Variants in SLC4A8 observed in about 807,000 individuals in gnomAD.
SLC4A8 encodes the protein electroneutral sodium bicarbonate exchanger 1.
In SLC4A8, 40 loss-of-function variants were observed where a neutral mutation model predicts 125.0. That is an observed-to-expected ratio of 0.32 (90% CI 0.25 to 0.42). The LOEUF (loss-of-function observed/expected upper bound fraction) is 0.42. SLC4A8 is among the 10% of genes least tolerant of loss of function. The pLI is 1.00. For missense variants in SLC4A8, 863 were observed against 1,355.1 expected (o/e 0.64, Z 5.70); for synonymous variants, 456 against 476.0 (o/e 0.96, Z 0.55).
chr12:51,472,363 C>T (rs1013128365), intron 14 of SLC4A8, among the ~76,000 whole-genome samples: 1 of 152,130 alleles, frequency 6.6e-6, no homozygotes, highest in South Asian at 2.1e-4. Flanking sequence ...ATCTGCGGAC[C>T]AGCGACAGAT....
chr12:51,456,112 C>T (rs1950143332), intron 5 of SLC4A8, among the ~76,000 whole-genome samples: 1 of 152,034 alleles, frequency 6.6e-6, no homozygotes. Context: ...GGTGAGATCA[C>T]CTGCACTGTG....
At chr12:51,450,741 A>AGTTTTGTTG (rs1181096431) in intron 2 of SLC4A8, 135 bp from the exon 3 acceptor site, 2 of 911,276 alleles carry the variant, frequency 2.2e-6, no homozygotes, top group Non-Finnish European at 3.4e-6. Context: ...AAGTCTTTGA[A>AGTTTTGTTG]GTTTTGTTGT....
At chr12:51,417,131 A>G (rs1207840395) in intron 1 of SLC4A8, among the ~76,000 whole-genome samples, 1 of 152,124 alleles carries the variant, frequency 6.6e-6, no homozygotes, top group East Asian at 1.9e-4. Context: ...ATTGTCTTCT[A>G]CATAACCACA....
At chr12:51,471,980 AT>A (rs1335980084) in intron 14 of SLC4A8, among the ~76,000 whole-genome samples, 1 of 152,230 alleles carries the variant, frequency 6.6e-6, no homozygotes, top group Non-Finnish European at 1.5e-5. Context: ...CTTAGGAATT[AT>A]TAGGTGAAGA....
At chr12:51,418,183 A>T (rs541933054) in intron 1 of SLC4A8, among the ~76,000 whole-genome samples, 1 of 152,308 alleles carries the variant, frequency 6.6e-6, no homozygotes, top group African/African-American at 2.4e-5. Context: ...AGCATTTGGA[A>T]TGAAGAGTGA....
Position 51,450,990 on chromosome 12 carries a change from AG to A in SLC4A8, c.250del (p.Glu84ArgfsTer42). ...RRRGRGKGAS[Q>X]GEEGLEALAH... ...CGAGGGCGGGGCAAAGGAGCCAGCC[AG>A]GGGGAGGAAGGCCTGGAAGCCCTGG... On this transcript the variant is annotated frameshift_variant, in exon 3 of 25. Transcript: ENST00000453097. LOFTEE classifies it high-confidence loss of function. 6.4e-7 allele frequency: 1 copy of A among 1,557,730 alleles called. No individual in the cohort carries two copies. Among genetic ancestry groups the A allele is most frequent in the Non-Finnish European group, 8.7e-7 (1 of 1,149,434 alleles).
At chr12:51,486,212 T>C (rs150113462) in intron 17 of SLC4A8, among the ~76,000 whole-genome samples, 10 of 152,318 alleles carry the variant, frequency 6.6e-5, no homozygotes, top group African/African-American at 1.7e-4. Flanking sequence ...TACATAAATA[T>C]ATTCAAGACA....
chr12:51,441,608 C>T (rs1302756289), intron 2 of SLC4A8, among the ~76,000 whole-genome samples: 1 of 152,126 alleles, frequency 6.6e-6, no homozygotes, highest in Non-Finnish European at 1.5e-5. Context: ...AATGAGAAGC[C>T]ACATTTGGCT....
At chr12:51,422,930 TACTC>T (rs1472413950), upstream of SLC4A8, among the ~76,000 whole-genome samples, 1 of 152,214 alleles carries the variant, frequency 6.6e-6, no homozygotes, top group African/African-American at 2.4e-5. Context: ...TATATAATAT[TACTC>T]ATTAACATAT....
chr12:51,431,339 T>G (rs1173614933), intron 1 of SLC4A8, among the ~76,000 whole-genome samples: 1 of 152,226 alleles, frequency 6.6e-6, no homozygotes, highest in Non-Finnish European at 1.5e-5. Flanking sequence ...CTCTTTGCCA[T>G]TATAAGGGAA....
At position 51,440,699 on chromosome 12, in the gene SLC4A8, T is replaced by C; in HGVS notation, c.49-9T>C. 2 of 1,609,042 alleles carry C rather than the reference T, an allele frequency of 1.2e-6. No individual in the cohort carries two copies. The highest frequency in any genetic ancestry group is 1.7e-6 in the Non-Finnish European group (2 of 1,177,428). ...GTATTACTGTGACTACTTATTTGTG[T>C]TTAAACAGAGACCAGATGAAGAAGC... is the stretch of plus-strand genomic sequence containing the variant. On this transcript the variant is annotated splice_polypyrimidine_tract_variant and intron_variant, in intron 1 of 24. Transcript: ENST00000453097.
At chr12:51,457,586 G>T in intron 6 of SLC4A8, 47 bp downstream of exon 6, 1 of 1,542,138 alleles carries the variant, frequency 6.5e-7, no homozygotes, top group South Asian at 1.2e-5. Flanking sequence ...AAGACATTGG[G>T]AACTAGTTGG....
intron 1 of SLC4A8, among the ~76,000 whole-genome samples, chr12:51,432,965 GGCAGGTCCACCACCAC>G (rs1457751966): frequency 6.6e-6 from 1 of 152,092 alleles, no homozygotes; most frequent in Non-Finnish European, 1.5e-5. Context: ...GATTCATTTG[GGCAGGTCCACCACCAC>G]GCAGGTCCAG....
At chr12:51,424,283 T>C (rs567032282), upstream of SLC4A8, among the ~76,000 whole-genome samples, 18 of 152,194 alleles carry the variant, frequency 1.2e-4, no homozygotes, top group African/African-American at 4.1e-4. Context: ...TTTTGTGGAA[T>C]TGCTTCAACA....
rs1051421910 is a variant in SLC4A8 at position 51,512,179 on chromosome 12, T to C, written c.*4741T>C. 1.1e-4 allele frequency: 17 copies of C among 152,208 alleles called. No individual in the cohort carries two copies. The highest frequency in any genetic ancestry group is 3.9e-4 in the African/African-American group (16 of 41,452). The allele number at this position is 152,208 out of a possible 1,614,324, so 9.4% of individuals were successfully genotyped here. A position where few individuals can be genotyped will look rare whatever the true frequency, so the allele number is the denominator to read the frequency against. On this transcript the variant is annotated 3_prime_UTR_variant, in exon 25 of 25. Transcript: ENST00000453097. ...TGCTGGACACAATCATTGTGCACTT[T>C]GTTAATTTGGTATGGTGGTGCCACA...
chr12:51,403,083 T>A, intron 1 of SLC4A8: 1 of 419,916 alleles, frequency 2.4e-6, no homozygotes, highest in South Asian at 1.7e-5. Context: ...GACAATTATA[T>A]AGAGTCTGTT....
rs762952980 is a variant in SLC4A8 at position 51,453,569 on chromosome 12, T to C, written c.444T>C (p.Asp148=). The change falls in exon 5 of 25, where the codon GAT becomes GAC. Residue 148 remains aspartate (D), a synonymous_variant. Coordinates refer to ENST00000453097, the MANE Select transcript of SLC4A8 (RefSeq NM_001039960.3). The part of the protein sequence containing the change: ...RWLKFEEDVE[D]GGERWSKPYV... ...TGAAGTTTGAAGAAGATGTTGAAGA[T>C]GGGGGAGAACGCTGGAGCAAGCCTT... 7 of 1,614,038 alleles carry C rather than the reference T, an allele frequency of 4.3e-6. No individual in the cohort carries two copies. Among genetic ancestry groups the C allele is most frequent in the Non-Finnish European group, 5.9e-6 (7 of 1,180,016 alleles).
Position 51,488,798 on chromosome 12 carries a change from T to G in SLC4A8, c.2386T>G (p.Leu796Val), listed in dbSNP as rs754083404. Residue 796 changes from leucine to valine, a missense_variant, in exon 18 of 25, where the codon TTG becomes GTG. Leu to Val is a conservative substitution (Grantham distance 32, BLOSUM62 1). This residue lies in a region of SLC4A8 where 197 missense variants were observed against 377.7 expected (regional missense o/e 0.52). Coordinates refer to ENST00000453097, the MANE Select transcript of SLC4A8 (RefSeq NM_001039960.3). Reference sequence around the variant, plus strand: ...TATCCCAGCTCTTCTCTGTACTATCTTGATATTCATGGATCAGCAGATCAC... The same window carrying G: ...TATCCCAGCTCTTCTCTGTACTATCGTGATATTCATGGATCAGCAGATCAC... ...AIIPALLCTI[L>V]IFMDQQITAV... is the part of the protein sequence containing the mutation. 1 of 1,613,852 alleles carries G rather than the reference T, an allele frequency of 6.2e-7. No individual in the cohort carries two copies. Among genetic ancestry groups the G allele is most frequent in the Admixed American group, 1.7e-5 (1 of 60,028 alleles).
At chr12:51,482,467 C>G (rs1347541408) in intron 16 of SLC4A8, among the ~76,000 whole-genome samples, 1 of 152,126 alleles carries the variant, frequency 6.6e-6, no homozygotes, top group Non-Finnish European at 1.5e-5. Flanking sequence ...CAACCTCCAC[C>G]TCCTTGGGTT....
Sources: allele counts gnomAD v4.1 joint callset (sites outside exome capture counted in the v4.1 genomes callset), GRCh38; gene constraint gnomAD v4.1.1; regional missense constraint gnomAD v4.1.1; transcripts MANE v1.5; gene names NCBI Gene and HGNC (gene_info 2026-07-23, HGNC 2026-07-21).